ELMO1: variants seen among roughly 807,000 people sequenced by gnomAD.
ELMO1 encodes the protein engulfment and cell motility protein 1.
A neutral mutation model predicts 98.9 loss-of-function variants in ELMO1; 26 were observed. The observed-to-expected ratio is 0.26, with a 90% CI of 0.19 to 0.36. The LOEUF (loss-of-function observed/expected upper bound fraction) is 0.36, where lower values mean the gene tolerates loss of function less well. Among genes scored for constraint, ELMO1 ranks in the 10% least tolerant of loss-of-function variants. ELMO1 has a pLI of 1.00. For synonymous variants in ELMO1, 346 were observed against 346.0 expected, an observed-to-expected ratio of 1.00 and a Z score of 0.00; for missense variants, 627 against 935.2, an observed-to-expected ratio of 0.67 and a Z score of 4.30.
At chr7:36,983,997 T>C (rs2129146175) in intron 16 of ELMO1, among the ~76,000 whole-genome samples, 1 of 151,972 alleles carries the variant, frequency 6.6e-6, no homozygotes, top group South Asian at 2.1e-4. Context: ...CATTTTTTAC[T>C]GCTTCCATAA....
At chr7:36,916,825 C>T (rs960483174) in intron 16 of ELMO1, among the ~76,000 whole-genome samples, 2 of 152,244 alleles carry the variant, frequency 1.3e-5, no homozygotes, top group African/African-American at 4.8e-5. Context: ...ATTCTGACAT[C>T]AGCCTCACAT....
chr7:36,945,803 T>TATCTA (rs1787429717), intron 16 of ELMO1, among the ~76,000 whole-genome samples: 1 of 152,132 alleles, frequency 6.6e-6, no homozygotes, highest in Non-Finnish European at 1.5e-5. Flanking sequence ...CAGTCTAGAG[T>TATCTA]GACTGTATCT....
At chr7:37,322,786 C>T (rs1799592493) in intron 2 of ELMO1, among the ~76,000 whole-genome samples, 1 of 152,076 alleles carries the variant, frequency 6.6e-6, no homozygotes, top group East Asian at 1.9e-4. Flanking sequence ...AGTACCACTA[C>T]ACTCCAGCCT....
intron 15 of ELMO1, among the ~76,000 whole-genome samples, chr7:37,066,313 T>A (rs1796959726): frequency 1.3e-5 from 2 of 152,134 alleles, no homozygotes. Flanking sequence ...CACTTATGCC[T>A]GGGTGTACAG....
chr7:37,116,456 T>C (rs918495987), intron 14 of ELMO1, among the ~76,000 whole-genome samples: 2 of 152,166 alleles, frequency 1.3e-5, no homozygotes, highest in East Asian at 1.9e-4. Flanking sequence ...GGATCTAAGA[T>C]AGAGAAACCA....
chr7:36,984,483 G>A (rs1438994734), intron 16 of ELMO1, among the ~76,000 whole-genome samples: 1 of 152,174 alleles, frequency 6.6e-6, no homozygotes, highest in East Asian at 1.9e-4. Context: ...CCTGCCTTGA[G>A]TCTTCTATAG....
At chr7:37,172,831 T>C (rs1452491046) in intron 13 of ELMO1, among the ~76,000 whole-genome samples, 1 of 152,206 alleles carries the variant, frequency 6.6e-6, no homozygotes, top group Non-Finnish European at 1.5e-5. Flanking sequence ...AAGTACTGCA[T>C]GCTTGATACA....
At chr7:37,288,166 G>A (rs1797491766) in intron 4 of ELMO1, among the ~76,000 whole-genome samples, 1 of 151,486 alleles carries the variant, frequency 6.6e-6, no homozygotes, top group Non-Finnish European at 1.5e-5. Context: ...CACCATGTTG[G>A]CCAGGTGGGT....
At chr7:37,299,228 T>G (rs1204775974) in intron 4 of ELMO1, among the ~76,000 whole-genome samples, 1 of 27,372 alleles carries the variant, frequency 3.7e-5, no homozygotes. Context: ...GAGTAGGTTG[T>G]GAAAATTTTC....
intron 1 of ELMO1, chr7:37,435,253 T>A (rs1428117724): frequency 1.3e-5 from 2 of 152,174 alleles, no homozygotes; most frequent in Non-Finnish European, 2.9e-5. Flanking sequence ...TATTTCCAAA[T>A]CAAATGCTGG....
chr7:36,907,815 T>G (rs1784069497), intron 16 of ELMO1, among the ~76,000 whole-genome samples: 1 of 152,214 alleles, frequency 6.6e-6, no homozygotes, highest in Non-Finnish European at 1.5e-5. Flanking sequence ...TCACGGCACT[T>G]CTTTTTTCTG....
At chr7:37,137,323 T>C (rs1452030882) in intron 13 of ELMO1, among the ~76,000 whole-genome samples, 2 of 152,024 alleles carry the variant, frequency 1.3e-5, no homozygotes, top group Admixed American at 1.3e-4. Flanking sequence ...ACAATAATAG[T>C]GGGGGACTTT....
intron 15 of ELMO1, among the ~76,000 whole-genome samples, chr7:37,027,208 A>G (rs1408863423): frequency 6.6e-6 from 1 of 152,214 alleles, no homozygotes; most frequent in East Asian, 1.9e-4. Context: ...GAGAACAATG[A>G]ATAACATCAC....
At chr7:37,365,042 C>G (rs1801849442) in intron 1 of ELMO1, among the ~76,000 whole-genome samples, 2 of 152,220 alleles carry the variant, frequency 1.3e-5, no homozygotes, top group Admixed American at 1.3e-4. Context: ...ACGTTTCCAT[C>G]TGAGCCTGCG....
chr7:37,372,059 A>T (rs1802136250), intron 1 of ELMO1, among the ~76,000 whole-genome samples: 1 of 152,132 alleles, frequency 6.6e-6, no homozygotes, highest in Non-Finnish European at 1.5e-5. Context: ...ACTGCCGGTA[A>T]TTACCATTTA....
At chr7:37,122,780 C>A (rs191361473) in intron 14 of ELMO1, among the ~76,000 whole-genome samples, 1 of 152,132 alleles carries the variant, frequency 6.6e-6, no homozygotes, top group Non-Finnish European at 1.5e-5. Flanking sequence ...CTCCACCAAG[C>A]GGACCTAATA....
At chr7:37,128,011 G>A (rs1356514998) in intron 14 of ELMO1, among the ~76,000 whole-genome samples, 9 of 152,156 alleles carry the variant, frequency 5.9e-5, no homozygotes, top group African/African-American at 7.2e-5. Flanking sequence ...TGGCCAACAC[G>A]GCGAAACCCC....
intron 14 of ELMO1, among the ~76,000 whole-genome samples, chr7:37,130,602 A>G (rs1193111172): frequency 2.6e-5 from 4 of 152,186 alleles, no homozygotes; most frequent in South Asian, 2.1e-4. Flanking sequence ...AATGGAGAGA[A>G]GTCTTGGAGC....
At chr7:37,155,279 T>A (rs556002494) in intron 13 of ELMO1, among the ~76,000 whole-genome samples, 44 of 152,122 alleles carry the variant, frequency 2.9e-4, no homozygotes, top group Middle Eastern at 3.2e-3. Flanking sequence ...GCTAGCATCA[T>A]AATGACAGTA....
Sources: gnomAD v4.1 joint callset for allele counts (sites outside exome capture counted in the v4.1 genomes callset) on GRCh38, gnomAD v4.1.1 for gene constraint, MANE v1.5 for transcripts, NCBI Gene and HGNC (gene_info 2026-07-23, HGNC 2026-07-21) for gene names.